The following RECK variants were observed in gnomAD, a reference collection of about 807,000 sequenced individuals.
The protein encoded by RECK is reversion-inducing cysteine-rich protein with Kazal motifs.
A neutral mutation model predicts 115.1 loss-of-function variants in RECK; 69 were observed. The ratio of observed to expected loss-of-function variants is 0.60; its 90% CI spans 0.49 to 0.73. The LOEUF (loss-of-function observed/expected upper bound fraction) is 0.73. Among genes scored for constraint, RECK ranks in the 30% least tolerant of loss-of-function variants. The probability of loss-of-function intolerance (pLI) is 0.00; values close to 1 mark genes in which losing one functional copy is unlikely to be tolerated. For missense variants in RECK, 1,047 were observed against 1,203.7 expected, an observed-to-expected ratio of 0.87 and a Z score of 1.93; for synonymous variants, 414 against 419.7, an observed-to-expected ratio of 0.99 and a Z score of 0.17.
intron 4 of RECK, among the ~76,000 whole-genome samples, chr9:36,063,336 G>T (rs1268699789): frequency 6.6e-6 from 1 of 152,038 alleles, no homozygotes; most frequent in Non-Finnish European, 1.5e-5. Context: ...TTTTAAACAG[G>T]ATCATGAATT....
intron 8 of RECK, among the ~76,000 whole-genome samples, chr9:36,084,813 G>A (rs1374641417): frequency 6.6e-6 from 1 of 152,122 alleles, no homozygotes; most frequent in Non-Finnish European, 1.5e-5. Flanking sequence ...TTAGCACTGT[G>A]GGAGGCCTAG....
chr9:36,047,384 G>A (rs1821104689), intron 1 of RECK, among the ~76,000 whole-genome samples: 2 of 152,070 alleles, frequency 1.3e-5, no homozygotes, highest in African/African-American at 4.8e-5. Context: ...CAGGGTGGGC[G>A]GATCACTTGA....
At chr9:36,038,181 T>C (rs1459123489) in intron 1 of RECK, among the ~76,000 whole-genome samples, 3 of 151,696 alleles carry the variant, frequency 2.0e-5, no homozygotes, top group African/African-American at 7.3e-5. Flanking sequence ...GGCATGGTGG[T>C]GTATGCCTGT....
At chr9:36,110,146 A>G in intron 15 of RECK, 67 bp downstream of exon 15, 1 of 1,533,930 alleles carries the variant, frequency 6.5e-7, no homozygotes, top group Admixed American at 1.8e-5. Flanking sequence ...TTTCCCTTCA[A>G]GGCAGCTTCT....
intron 1 of RECK, among the ~76,000 whole-genome samples, chr9:36,045,071 C>T (rs751784598): frequency 2.0e-5 from 3 of 151,920 alleles, no homozygotes; most frequent in Non-Finnish European, 4.4e-5. Context: ...GCAAATGATT[C>T]GGGAAAAAAA....
rs1464402598 is a variant in RECK, at chr9:36,120,654, G to C, written c.2465-9G>C. The C allele has an allele frequency of 6.2e-7, 1 of 1,608,380 alleles. No homozygotes were observed. On this transcript the variant is annotated splice_polypyrimidine_tract_variant and intron_variant, in intron 18 of 20. Transcript: ENST00000377966. The stretch of plus-strand genomic sequence containing the variant: ...TCTGAACGCACATAAAATGGTTTCT[G>C]TTATACAGGTGCTTGTTGCCCATTA...
Position 36,123,085 on chromosome 9 carries a change from T to A in RECK, c.*40T>A. The A allele has an allele frequency of 6.6e-7, 1 of 1,515,960 alleles. No individual in the cohort carries two copies. The highest frequency in any genetic ancestry group is 9.0e-7 in the Non-Finnish European group (1 of 1,105,434). 93.9% of individuals were successfully genotyped at this position (1,515,960 alleles called of 1,614,324 possible). A position where few individuals can be genotyped will look rare whatever the true frequency, so the allele number is the denominator to read the frequency against. On this transcript the variant is annotated 3_prime_UTR_variant, in exon 21 of 21. Transcript: ENST00000377966. The stretch of plus-strand genomic sequence containing the variant: ...TGCAGAATGCTCCTCCACCTCACTC[T>A]CCTGCCTTGAAAAAGACATTCAGGA...
intron 13 of RECK, 35 bp from the exon 14 acceptor site, chr9:36,107,941 G>A (rs575553473): frequency 3.8e-5 from 57 of 1,506,850 alleles, no homozygotes; most frequent in Non-Finnish European, 4.9e-5. Flanking sequence ...TCATAGAACA[G>A]TACCATCTCT....
At chr9:36,066,490 C>G (rs187693635) in intron 6 of RECK, among the ~76,000 whole-genome samples, 1 of 151,936 alleles carries the variant, frequency 6.6e-6, no homozygotes, top group African/African-American at 2.4e-5. Flanking sequence ...TTTCTCAAAG[C>G]CTGTATCTCT....
At chr9:36,047,874 T>C (rs563273287) in intron 1 of RECK, among the ~76,000 whole-genome samples, 35 of 151,042 alleles carry the variant, frequency 2.3e-4, no homozygotes, top group Non-Finnish European at 4.3e-4. Context: ...TATAGTAATA[T>C]GGCAGTAACA....
intron 1 of RECK, among the ~76,000 whole-genome samples, chr9:36,049,595 C>T (rs954559604): frequency 6.6e-6 from 1 of 152,176 alleles, no homozygotes; most frequent in Non-Finnish European, 1.5e-5. Flanking sequence ...GCCCATGGGC[C>T]ACCGTTTGGG....
intron 6 of RECK, among the ~76,000 whole-genome samples, chr9:36,066,528 T>C (rs1248004907): frequency 6.6e-6 from 1 of 152,198 alleles, no homozygotes; most frequent in African/African-American, 2.4e-5. Flanking sequence ...GTCTTATTTA[T>C]CTTTTGTTCC....
rs1403200875 is a variant in RECK, at chr9:36,100,387, A to G, written c.1142A>G (p.Asp381Gly). ...NAQSDQGAMN[D>G]MKLWEKGSIK... is the part of the protein sequence containing the mutation. ...CAGTCAGATCAAGGAGCCATGAATG[A>G]CATGAAGTTGTGGGAGAAAGGAAGC... is the stretch of plus-strand genomic sequence containing the variant. The change falls in exon 11 of 21, where the codon GAC becomes GGC. Residue 381 changes from aspartate (D) to glycine (G), a missense_variant. By Grantham distance (94) the Asp-to-Gly change is moderately conservative. Coordinates refer to ENST00000377966, the MANE Select transcript of RECK (RefSeq NM_021111.3). 1 of 1,614,196 alleles carries G rather than the reference A, an allele frequency of 6.2e-7. No individual in the cohort carries two copies. Among genetic ancestry groups the G allele is most frequent in the Admixed American group, 1.7e-5 (1 of 60,028 alleles).
chr9:36,067,613 AGTCTG>A (rs1162021251), intron 6 of RECK, among the ~76,000 whole-genome samples: 19 of 152,160 alleles, frequency 1.2e-4, no homozygotes, highest in African/African-American at 4.6e-4. Context: ...GATTTTATAG[AGTCTG>A]GTTTTTTTCT....
In RECK at chr9:36,121,517, T is replaced by C. The variant is rs904407877; in HGVS notation, c.2539-16T>C. 19 of 1,610,836 alleles carry C rather than the reference T, an allele frequency of 1.2e-5. No individual in the cohort carries two copies. Among genetic ancestry groups the C allele is most frequent in the Non-Finnish European group, 1.6e-5 (19 of 1,177,950 alleles). ...ATTCTTCTTTTTTTCAGGTAATACA[T>C]GTTTTCTCTTTCCAGGTAACAAATA... On this transcript the variant is annotated splice_polypyrimidine_tract_variant and intron_variant, in intron 19 of 20. Coordinates refer to ENST00000377966, the MANE Select transcript of RECK (RefSeq NM_021111.3).
At position 36,109,855 on chromosome 9, in the gene RECK, A is replaced by G. The variant is rs1221882279; in HGVS notation, c.1766-102A>G. The G allele has an allele frequency of 3.4e-6, 4 of 1,174,088 alleles. No individual in the cohort carries two copies. In the African/African-American group the frequency reaches 4.6e-5, roughly 13 times the overall value. The allele number at this position is 1,174,088 out of a possible 1,614,324, so 72.7% of individuals were successfully genotyped here. A position where few individuals can be genotyped will look rare whatever the true frequency, so the allele number is the denominator to read the frequency against. ...TGAGACCCTTCTCAAAAAAAAAAAA[A>G]GGAATTTCCATTTTAAAACTTGTTG... is the stretch of plus-strand genomic sequence containing the variant. On this transcript the variant is annotated intron_variant, in intron 14 of 20. Transcript: ENST00000377966.
At chr9:36,092,086 T>C (rs1823179499) in intron 10 of RECK, among the ~76,000 whole-genome samples, 1 of 152,232 alleles carries the variant, frequency 6.6e-6, no homozygotes, top group African/African-American at 2.4e-5. Flanking sequence ...ATCTTATTTT[T>C]TTTAAAGTAC....
chr9:36,091,084 CAT>C, intron 9 of RECK, 78 bp from the exon 10 acceptor site: 1 of 1,336,414 alleles, frequency 7.5e-7, no homozygotes, highest in Non-Finnish European at 1.1e-6. Context: ...GTATATAGTT[CAT>C]AGAGTTTTAG....
At chr9:36,102,054 G>A (rs1823583949) in intron 11 of RECK, 40 bp from the exon 12 acceptor site, 1 of 1,588,566 alleles carries the variant, frequency 6.3e-7, no homozygotes, top group African/African-American at 1.4e-5. Flanking sequence ...ACATGAGGAG[G>A]TTCCTCAAGC....
Sources: gnomAD v4.1 joint callset for allele counts (sites outside exome capture counted in the v4.1 genomes callset) on GRCh38, gnomAD v4.1.1 for gene constraint, MANE v1.5 for transcripts, NCBI Gene and HGNC (gene_info 2026-07-23, HGNC 2026-07-21) for gene names.